Variants in ITPRID1 observed in about 807,000 individuals in gnomAD.
ITPRID1 encodes the protein ITPR interacting domain containing 1.
ITPRID1 carries 96 observed loss-of-function variants against 95.4 expected under a neutral mutation model. The ratio of observed to expected loss-of-function variants is 1.01; its 90% CI spans 0.85 to 1.19. The LOEUF is 1.19. Ranked by LOEUF, ITPRID1 falls within the 50% of genes most tolerant of loss-of-function variation. ITPRID1 has a pLI of 0.00. For missense variants in ITPRID1, 1,339 were observed against 1,252.9 expected (o/e 1.07, Z -1.04); for synonymous variants, 510 against 453.6 (o/e 1.12, Z -1.58).
chr7:31,617,267 C>A (rs199638862), intron 10 of ITPRID1, among the ~76,000 whole-genome samples: 37 of 1,586 alleles, frequency 0.023, no homozygotes, highest in Admixed American at 0.14. Flanking sequence ...AACAATTTAA[C>A]TTTGCAAAGG....
At chr7:31,594,107 G>A (rs1206830737) in intron 10 of ITPRID1, among the ~76,000 whole-genome samples, 6 of 152,078 alleles carry the variant, frequency 3.9e-5, no homozygotes, top group African/African-American at 1.4e-4. Flanking sequence ...TTTCTATGTT[G>A]CGATACCCAA....
chr7:31,582,562 CCTT>C (rs986256906), intron 9 of ITPRID1, among the ~76,000 whole-genome samples: 2 of 151,916 alleles, frequency 1.3e-5, no homozygotes, highest in Non-Finnish European at 2.9e-5. Context: ...TGTTTTTTTA[CCTT>C]CTTCTTCTAT....
chr7:31,579,180 GT>G (rs940083549), intron 9 of ITPRID1, among the ~76,000 whole-genome samples: 3 of 150,656 alleles, frequency 2.0e-5, no homozygotes, highest in Non-Finnish European at 3.0e-5. Context: ...TCAGAGTTGG[GT>G]TTTTTTTTCT....
chr7:31,624,624 A>C, intron 10 of ITPRID1, among the ~76,000 whole-genome samples: 1 of 149,534 alleles, frequency 6.7e-6, no homozygotes, highest in Non-Finnish European at 1.5e-5. Flanking sequence ...GATCAATTCA[A>C]GATGGATTAA....
rs765135134 is a variant in ITPRID1 at position 31,578,393 on chromosome 7, C to T, written c.1129C>T (p.His377Tyr). ...FQTNKLKSLS[H>Y]LAGKGPDSFE... ...GACTAACAAGCTCAAGAGCTTGTCT[C>T]ATCTTGCAGGCAAAGGACCAGACTC... is the stretch of plus-strand genomic sequence containing the variant. The change falls in exon 9 of 15, where the codon CAT (histidine) becomes TAT (tyrosine). Residue 377 changes from histidine (H) to tyrosine (Y), a missense_variant. Transcript: ENST00000615280. 23 of 1,612,852 alleles carry T rather than the reference C, an allele frequency of 1.4e-5. No individual in the cohort carries two copies. The highest frequency in any genetic ancestry group is 8.0e-5 in the African/African-American group (6 of 74,998).
chr7:31,628,535 G>A (rs1445373369), intron 10 of ITPRID1, among the ~76,000 whole-genome samples: 1 of 150,248 alleles, frequency 6.7e-6, no homozygotes, highest in Non-Finnish European at 1.5e-5. Flanking sequence ...TCAGCTCACT[G>A]CAAGCTCTGC....
intron 9 of ITPRID1, among the ~76,000 whole-genome samples, chr7:31,582,733 T>C (rs966364004): frequency 6.6e-6 from 1 of 152,184 alleles, no homozygotes; most frequent in African/African-American, 2.4e-5. Flanking sequence ...ACTAAAATTT[T>C]GAAAAATGTC....
chr7:31,556,003 G>A (rs1448193094), intron 5 of ITPRID1, among the ~76,000 whole-genome samples: 1 of 152,108 alleles, frequency 6.6e-6, no homozygotes, highest in Non-Finnish European at 1.5e-5. Context: ...TCAAGGAAAA[G>A]CAAAAACTTC....
chr7:31,614,768 T>G (rs1217834388), intron 10 of ITPRID1, among the ~76,000 whole-genome samples: 2 of 152,188 alleles, frequency 1.3e-5, no homozygotes, highest in Non-Finnish European at 2.9e-5. Context: ...GAGAGAGCAT[T>G]GAACATCATT....
At chr7:31,523,738 CT>C (rs900523731) in intron 1 of ITPRID1, among the ~76,000 whole-genome samples, 2 of 152,162 alleles carry the variant, frequency 1.3e-5, no homozygotes, top group Non-Finnish European at 2.9e-5. Context: ...CCAGTTGAAC[CT>C]CTTTGCTTTA....
chr7:31,651,315 C>G, intron 13 of ITPRID1, 46 bp downstream of exon 13: 1 of 1,596,080 alleles, frequency 6.3e-7, no homozygotes, highest in Middle Eastern at 1.7e-4. Context: ...GCCCACACAC[C>G]TGGAGCAAGG....
At chr7:31,598,192 G>T (rs982296062) in intron 10 of ITPRID1, among the ~76,000 whole-genome samples, 1 of 152,066 alleles carries the variant, frequency 6.6e-6, no homozygotes, top group Non-Finnish European at 1.5e-5. Context: ...TATGACCTCA[G>T]GGTTACAAAC....
intron 10 of ITPRID1, among the ~76,000 whole-genome samples, chr7:31,612,517 T>C: frequency 6.6e-6 from 1 of 152,166 alleles, no homozygotes; most frequent in African/African-American, 2.4e-5. Flanking sequence ...TTCTGGTTTG[T>C]TTGTTTTAAA....
intron 1 of ITPRID1, among the ~76,000 whole-genome samples, chr7:31,541,467 G>T (rs1310872460): frequency 6.6e-6 from 1 of 152,124 alleles, no homozygotes; most frequent in Non-Finnish European, 1.5e-5. Context: ...ATGACAAAAA[G>T]TTTTAGGGTA....
chr7:31,637,683 G>A (rs1360189106), intron 10 of ITPRID1, among the ~76,000 whole-genome samples: 1 of 152,120 alleles, frequency 6.6e-6, no homozygotes, highest in Non-Finnish European at 1.5e-5. Context: ...CCATTCTGTA[G>A]GTTGCTTGTT....
At chr7:31,549,290 C>T (rs534480353) in intron 1 of ITPRID1, 136 bp from the exon 2 acceptor site, 27 of 528,360 alleles carry the variant, frequency 5.1e-5, no homozygotes, top group African/African-American at 5.1e-4. Context: ...CTCACTCTCC[C>T]AAAAACATCT....
rs535759604 is a variant in ITPRID1 at position 31,653,853 on chromosome 7, G to A, written c.*1024G>A. ...GGAATCCGATTTAGATCAATGTTCA[G>A]ACAGCCCTGGTTGAGGAAGTAACAA... On this transcript the variant is annotated 3_prime_UTR_variant, in exon 15 of 15. Coordinates refer to ENST00000615280, the MANE Select transcript of ITPRID1 (RefSeq NM_001257967.3). Among the ~76,000 whole-genome samples the A allele has an allele frequency of 5.1e-4, 77 of 152,298 alleles. No homozygotes were observed. Among genetic ancestry groups the A allele is most frequent in the Non-Finnish European group, 1.0e-3 (68 of 68,026 alleles).
intron 9 of ITPRID1, among the ~76,000 whole-genome samples, chr7:31,581,658 G>A (rs1378423429): frequency 6.6e-6 from 1 of 152,004 alleles, no homozygotes; most frequent in African/African-American, 2.4e-5. Flanking sequence ...ATTAATAAGT[G>A]TGGCTCAGGT....
chr7:31,634,026 C>T (rs1583670004), intron 10 of ITPRID1, among the ~76,000 whole-genome samples: 1 of 152,174 alleles, frequency 6.6e-6, no homozygotes, highest in Non-Finnish European at 1.5e-5. Context: ...GTTGACTTTT[C>T]TTACTAATTT....
Sources: allele counts gnomAD v4.1 joint callset (sites outside exome capture counted in the v4.1 genomes callset), GRCh38; gene constraint gnomAD v4.1.1; transcripts MANE v1.5; gene names NCBI Gene and HGNC (gene_info 2026-07-23, HGNC 2026-07-21).